Variants in FADS6 observed in about 807,000 individuals in gnomAD.
FADS6 encodes fatty acid desaturase 6, also known as fatty acid desaturase domain family, member 6.
FADS6 carries 28 observed loss-of-function variants against 31.7 expected under a neutral mutation model. The observed-to-expected ratio is 0.88, with a 90% CI of 0.66 to 1.21. The LOEUF is 1.21. Ranked by LOEUF, FADS6 falls within the 50% of genes most tolerant of loss-of-function variation. The pLI is 0.00. For synonymous variants in FADS6, 191 were observed against 213.1 expected, an observed-to-expected ratio of 0.90 and a Z score of 0.90; for missense variants, 494 against 504.2, an observed-to-expected ratio of 0.98 and a Z score of 0.19.
chr17:74,892,219 G>A (rs540725), intron 2 of FADS6, among the ~76,000 whole-genome samples: 15,237 of 152,160 alleles, frequency 0.1, 1,251 homozygotes, highest in African/African-American at 0.22. Flanking sequence ...TCTGTCTGTG[G>A]GTCACATTTT....
rs759172314 is a variant in FADS6, at chr17:74,881,058, G to T, written c.780+10C>A. ...TAGCTGCCCAGCGCCCCAGGTTGGGGTGGCCTCACCTGGAAGATGTTGACG... is the reference window on the plus strand; with the variant it reads ...TAGCTGCCCAGCGCCCCAGGTTGGGTTGGCCTCACCTGGAAGATGTTGACG... On this transcript the variant is annotated intron_variant, in intron 4 of 5. Transcript: ENST00000612771. 3 of 1,609,336 alleles carry T rather than the reference G, an allele frequency of 1.9e-6. No homozygotes were observed. The highest frequency in any genetic ancestry group is 2.2e-5 in the South Asian group (2 of 90,368).
chr17:74,881,560 G>A (rs569026885), intron 3 of FADS6, among the ~76,000 whole-genome samples: 1 of 152,086 alleles, frequency 6.6e-6, no homozygotes, highest in Middle Eastern at 3.4e-3. Context: ...TTTGCTGGGC[G>A]TCGTGGCGCA....
rs1567928392 is a variant in FADS6 at position 74,888,138 on chromosome 17, A to ACC, written c.411+4384_411+4385insGG. ...TGGAGCTGAGACACCACACACACACACACACACACACACACACGCGCGCGC... is the reference window on the plus strand; with the variant it reads ...TGGAGCTGAGACACCACACACACACACCCACACACACACACACACGCGCGCGC... On this transcript the variant is annotated intron_variant, in intron 2 of 5. Coordinates refer to ENST00000612771, the MANE Select transcript of FADS6 (RefSeq NM_178128.6). 3.7e-4 allele frequency among the ~76,000 whole-genome samples: 40 copies of ACC among 108,794 alleles called. 2 individuals carry two copies. The highest frequency in any genetic ancestry group is 1.8e-3 in the African/African-American group (39 of 21,760). 71.4% of individuals were successfully genotyped at this position (108,794 alleles called of 152,430 possible).
chr17:74,885,463 A>G (rs2038613413), intron 2 of FADS6, among the ~76,000 whole-genome samples: 1 of 152,110 alleles, frequency 6.6e-6, no homozygotes, highest in African/African-American at 2.4e-5. Flanking sequence ...GCCAGATGTG[A>G]AGGGGCTGCT....
At chr17:74,881,387 G>A in intron 3 of FADS6, 132 bp from the exon 4 acceptor site, 2 of 846,624 alleles carry the variant, frequency 2.4e-6, no homozygotes, top group South Asian at 1.9e-5. Flanking sequence ...GAAAAGCAGG[G>A]CACCCCATTG....
downstream of FADS6, among the ~76,000 whole-genome samples, chr17:74,875,772 T>C (rs772667722): frequency 2.0e-5 from 3 of 152,166 alleles, no homozygotes; most frequent in African/African-American, 7.2e-5. Flanking sequence ...CAATAACATA[T>C]AGCAAAGCAG....
rs540230751 is a variant in FADS6, at chr17:74,882,601, C to G, written c.521G>C (p.Cys174Ser). 1.9e-4 allele frequency: 311 copies of G among 1,611,682 alleles called. 1 individual carries two copies. In the Middle Eastern group the frequency reaches 2.0e-3, roughly 10 times the overall value. The change falls in exon 3 of 6, where the codon TGC becomes TCC. Residue 174 changes from cysteine to serine, a missense_variant. Around this residue, in one of 2 missense-constraint regions of FADS6, gnomAD observed 454 missense variants for 438.5 expected, o/e 1.04. Coordinates refer to ENST00000612771, the MANE Select transcript of FADS6 (RefSeq NM_178128.6). Reference sequence around the variant, plus strand: ...GAACATGTAGACATAGCGGTTGAGGCAAGGCAGCCTCCACGTGCTGGAGTC... The same window carrying G: ...GAACATGTAGACATAGCGGTTGAGGGAAGGCAGCCTCCACGTGCTGGAGTC... ...LGDSSTWRLP[C>S]LNRYVYMFLA...
chr17:74,890,393 G>C (rs1180171471), intron 2 of FADS6, among the ~76,000 whole-genome samples: 1 of 152,170 alleles, frequency 6.6e-6, no homozygotes, highest in Non-Finnish European at 1.5e-5. Flanking sequence ...AGGGTAGCTG[G>C]AGGGCACCTG....
At chr17:74,892,271 T>A (rs1447545800) in intron 2 of FADS6, among the ~76,000 whole-genome samples, 1 of 152,154 alleles carries the variant, frequency 6.6e-6, no homozygotes, top group Non-Finnish European at 1.5e-5. Flanking sequence ...TGGTTGTAAC[T>A]GTGGGCCAAG....
chr17:74,879,728 T>C, intron 4 of FADS6, 145 bp from the exon 5 acceptor site: 1 of 793,194 alleles, frequency 1.3e-6, no homozygotes, highest in Non-Finnish European at 2.0e-6. Flanking sequence ...CTGGCCCAGC[T>C]CCGATGATGA....
chr17:74,888,148 A>ACGCGCGCG (rs1430653886), intron 2 of FADS6, among the ~76,000 whole-genome samples: 2 of 122,840 alleles, frequency 1.6e-5, no homozygotes, highest in African/African-American at 7.7e-5. Flanking sequence ...ACACACACAC[A>ACGCGCGCG]CACACACGCG....
chr17:74,888,046 C>T (rs1005251386), intron 2 of FADS6, among the ~76,000 whole-genome samples: 2 of 151,588 alleles, frequency 1.3e-5, no homozygotes, highest in African/African-American at 4.9e-5. Context: ...ACTCTGAGTC[C>T]CTGGGGAAGT....
intron 2 of FADS6, among the ~76,000 whole-genome samples, chr17:74,888,163 C>CGT (rs1567928675): frequency 2.4e-5 from 3 of 125,208 alleles, no homozygotes; most frequent in African/African-American, 6.7e-5. Context: ...CACGCGCGCG[C>CGT]GCGCGCGCGC....
intron 2 of FADS6, 33 bp downstream of exon 2, chr17:74,892,490 C>G (rs750230845): frequency 6.3e-7 from 1 of 1,596,838 alleles, no homozygotes; most frequent in Non-Finnish European, 8.5e-7. Context: ...ACGGTCCCAG[C>G]AGCTGCCTGC....
At chr17:74,887,021 T>C (rs1025097352) in intron 2 of FADS6, among the ~76,000 whole-genome samples, 4 of 151,052 alleles carry the variant, frequency 2.6e-5, no homozygotes, top group African/African-American at 9.7e-5. Context: ...CTCTACACAC[T>C]AGATGCCAGT....
rs372130393 is a variant in FADS6 at position 74,879,494 on chromosome 17, G to C, written c.870C>G (p.Pro290=). The change falls in exon 5 of 6, where the codon CCC becomes CCG. Residue 290 remains proline (P), a synonymous_variant. Coordinates refer to ENST00000612771, the MANE Select transcript of FADS6 (RefSeq NM_178128.6). ...SLGVLNLARL[P]VLDWAFGHSI... The stretch of plus-strand genomic sequence containing the variant: ...AGTGGCCGAACGCCCAGTCCAGCAC[G>C]GGCAGCCGGGCCAGGTTAAGCACCC... 1.2e-6 allele frequency: 2 copies of C among 1,613,874 alleles called. No individual in the cohort carries two copies. Among genetic ancestry groups the C allele is most frequent in the South Asian group, 2.2e-5 (2 of 91,078 alleles).
chr17:74,888,717 C>T (rs749308276), intron 2 of FADS6, among the ~76,000 whole-genome samples: 15 of 152,232 alleles, frequency 9.9e-5, no homozygotes, highest in Admixed American at 9.8e-4. Context: ...AGCTTCGGAA[C>T]TGGCAGGGCC....
rs1158068134 is a variant in FADS6, at chr17:74,878,458, TGGGACACCAC to T, written c.970_979del (p.Val324SerfsTer144). Reference sequence around the variant, plus strand: ...CGGTAGCTGCTTCTCACGTAGGAACTGGGACACCACGGGCTTCACCTGGTGGAAGATGGGC... The same window carrying T: ...CGGTAGCTGCTTCTCACGTAGGAACTGGGCTTCACCTGGTGGAAGATGGGC... On this transcript the variant is annotated frameshift_variant, in exon 6 of 6. Coordinates refer to ENST00000612771, the MANE Select transcript of FADS6 (RefSeq NM_178128.6). LOFTEE classifies it high-confidence loss of function. The T allele has an allele frequency of 1.9e-6, 3 of 1,613,882 alleles. No individual in the cohort carries two copies. The highest frequency in any genetic ancestry group is 2.5e-6 in the Non-Finnish European group (3 of 1,179,890).
At chr17:74,885,880 G>A (rs766253860) in intron 2 of FADS6, among the ~76,000 whole-genome samples, 8 of 152,138 alleles carry the variant, frequency 5.3e-5, no homozygotes, top group Non-Finnish European at 1.0e-4. Flanking sequence ...GGGGCCAGGC[G>A]TGGTAGCTTA....
Sources: allele counts gnomAD v4.1 joint callset (sites outside exome capture counted in the v4.1 genomes callset), GRCh38; gene constraint gnomAD v4.1.1; regional missense constraint gnomAD v4.1.1; transcripts MANE v1.5; gene names NCBI Gene and HGNC (gene_info 2026-07-23, HGNC 2026-07-21).